The following BNC1 variants were observed in gnomAD, a reference collection of about 807,000 sequenced individuals.
BNC1 encodes the protein basonuclin zinc finger protein 1.
A neutral mutation model predicts 66.5 loss-of-function variants in BNC1; 8 were observed. The observed-to-expected ratio is 0.12, with a 90% CI of 0.07 to 0.22. BNC1 has a LOEUF of 0.22. Among genes scored for constraint, BNC1 ranks in the 10% least tolerant of loss-of-function variants. BNC1 has a pLI of 1.00. For missense variants in BNC1, 1,069 were observed against 1,241.3 expected, an observed-to-expected ratio of 0.86 and a Z score of 2.09; for synonymous variants, 454 against 452.6, an observed-to-expected ratio of 1.00 and a Z score of -0.04.
At position 83,264,342 on chromosome 15, in the gene BNC1, C is replaced by G; in HGVS notation, c.909G>C (p.Gln303His). The change falls in exon 4 of 5, where the codon CAG (glutamine) becomes CAC (histidine). Residue 303 changes from glutamine (Q) to histidine (H), a missense_variant. Gln to His is a conservative substitution (Grantham distance 24, BLOSUM62 0). Transcript: ENST00000345382. Reference protein sequence around the residue: ...SSTPFQVEKDQCLNCPDAITK... With the variant: ...SSTPFQVEKDHCLNCPDAITK... ...TAATAGCATCCGGACAGTTTAAACA[C>G]TGATCTTTTTCAACCTGAAATGGTG... 1 of 1,614,124 alleles carries G rather than the reference C, an allele frequency of 6.2e-7. No homozygotes were observed. The highest frequency in any genetic ancestry group is 8.5e-7 in the Non-Finnish European group (1 of 1,180,018).
Position 83,283,712 on chromosome 15 carries a change from C to CG in BNC1, c.99+817dup, listed in dbSNP as rs1161824232. Among the ~76,000 whole-genome samples the CG allele has an allele frequency of 3.3e-5, 5 of 152,226 alleles. No homozygotes were observed. In the East Asian group the frequency reaches 9.7e-4, roughly 29 times the overall value. On this transcript the variant is annotated intron_variant, in intron 1 of 4. Transcript: ENST00000345382. ...GCCCAGAGCCCAAGCGCCTTAGCCC[C>CG]GTCCCAGCGCTTTCTGAAAGACGGG... is the stretch of plus-strand genomic sequence containing the variant.
intron 1 of BNC1, chr15:83,283,134 C>A: frequency 6.5e-7 from 1 of 1,535,538 alleles, no homozygotes; most frequent in Non-Finnish European, 8.7e-7. Flanking sequence ...TTCCACTTAA[C>A]TGTCAGACTC....
In BNC1 at chr15:83,258,059, G is replaced by C; in HGVS notation, c.2368C>G (p.His790Asp). 1 of 1,613,518 alleles carries C rather than the reference G, an allele frequency of 6.2e-7. No individual in the cohort carries two copies. Among genetic ancestry groups the C allele is most frequent in the Non-Finnish European group, 8.5e-7 (1 of 1,179,442 alleles). The part of the protein sequence containing the change: ...SQEALESSED[H>D]FRAAYLLKDV... ...TTCAGAAGGTAAGCTGCACGGAAATGATCTTCACTACTCTCCAATGCTTCC... is the reference window on the plus strand; with the variant it reads ...TTCAGAAGGTAAGCTGCACGGAAATCATCTTCACTACTCTCCAATGCTTCC... The change falls in exon 5 of 5, where the codon CAT becomes GAT. Residue 790 changes from histidine to aspartate, a missense_variant. By Grantham distance (81) the His-to-Asp change is moderately conservative. Transcript: ENST00000345382.
Position 83,257,646 on chromosome 15 carries a change from G to T in BNC1, c.2781C>A (p.Pro927=), listed in dbSNP as rs575012984. ...TCTTTTGGCAGAGATGACAGGTTAT[G>T]GGCAACCCAGAAGGCAGGCTAGCAA... ...QSLASLPSGL[P]ITCHLCQKTY... is the part of the protein sequence containing the mutation. The change falls in exon 5 of 5, where the codon CCC becomes CCA. Residue 927 remains proline, a synonymous_variant. Coordinates refer to ENST00000345382, the MANE Select transcript of BNC1 (RefSeq NM_001717.4). 9.9e-6 allele frequency: 16 copies of T among 1,614,098 alleles called. No homozygotes were observed. Among genetic ancestry groups the T allele is most frequent in the Non-Finnish European group, 1.4e-5 (16 of 1,180,024 alleles).
intron 1 of BNC1, among the ~76,000 whole-genome samples, chr15:83,284,307 G>C (rs1320205911): frequency 6.6e-6 from 1 of 151,828 alleles, no homozygotes; most frequent in Non-Finnish European, 1.5e-5. Flanking sequence ...CCGGGACGTC[G>C]GGCAGGGACG....
Position 83,263,261 on chromosome 15 carries a change from G to T in BNC1, c.1990C>A (p.Pro664Thr), listed in dbSNP as rs754202916. The change falls in exon 4 of 5, where the codon CCC becomes ACC. Residue 664 changes from proline to threonine, a missense_variant. By Grantham distance (38) the Pro-to-Thr change is conservative. Transcript: ENST00000345382. ...HEHYFTPGME[P>T]QVPFSDYMEL... ...ATGTAGTCAGAAAAAGGAACTTGGG[G>T]TTCCATCCCAGGTGTGAAGTAGTGT... 2.5e-6 allele frequency: 4 copies of T among 1,614,080 alleles called. No homozygotes were observed. Among genetic ancestry groups the T allele is most frequent in the Admixed American group, 3.3e-5 (2 of 60,008 alleles).
Position 83,257,535 on chromosome 15 carries a change from G to A in BNC1, c.2892C>T (p.Asn964=). 3 of 1,614,146 alleles carry A rather than the reference G, an allele frequency of 1.9e-6. No individual in the cohort carries two copies. Among genetic ancestry groups the A allele is most frequent in the Non-Finnish European group, 2.5e-6 (3 of 1,180,026 alleles). ...QLHKCKVPGC[N]TMFSSVRSRN... ...GACTGCGAACAGACGAAAACATGGT[G>A]TTGCAGCCTGGTACTTTGCATTTGT... The change falls in exon 5 of 5, where the codon AAC becomes AAT. Residue 964 remains asparagine, a synonymous_variant. Coordinates refer to ENST00000345382, the MANE Select transcript of BNC1 (RefSeq NM_001717.4).
intron 1 of BNC1, among the ~76,000 whole-genome samples, chr15:83,281,731 A>C (rs528676218): frequency 6.6e-6 from 1 of 152,358 alleles, no homozygotes; most frequent in South Asian, 2.1e-4. Flanking sequence ...AACTTTTAAA[A>C]TGTTTCCCTG....
Position 83,263,257 on chromosome 15 carries a change from T to C in BNC1, c.1994A>G (p.Gln665Arg), listed in dbSNP as rs1298516800. The C allele has an allele frequency of 1.2e-5, 20 of 1,614,086 alleles. No homozygotes were observed. The highest frequency in any genetic ancestry group is 1.7e-5 in the Non-Finnish European group (20 of 1,180,030). ...TTCCATGTAGTCAGAAAAAGGAACT[T>C]GGGGTTCCATCCCAGGTGTGAAGTA... The part of the protein sequence containing the change: ...EHYFTPGMEP[Q>R]VPFSDYMELQ... Residue 665 changes from glutamine to arginine, a missense_variant, in exon 4 of 5, where the codon CAA becomes CGA. Physicochemically the swap from Gln to Arg is conservative, Grantham distance 43. Coordinates refer to ENST00000345382, the MANE Select transcript of BNC1 (RefSeq NM_001717.4).
rs551692814 is a variant in BNC1, at chr15:83,257,336, T to C, written c.*106A>G. 4 of 1,295,686 alleles carry C rather than the reference T, an allele frequency of 3.1e-6. No homozygotes were observed. The highest frequency in any genetic ancestry group is 4.3e-6 in the Non-Finnish European group (4 of 933,682). The allele number at this position is 1,295,686 out of a possible 1,614,324, so 80.3% of individuals were successfully genotyped here. On this transcript the variant is annotated 3_prime_UTR_variant, in exon 5 of 5. Transcript: ENST00000345382. The stretch of plus-strand genomic sequence containing the variant: ...AACTATAAAGTCAAATCAAATACTT[T>C]TGCCTGACTCGCCCCAAATGATATG...
At chr15:83,283,375 G>A in intron 1 of BNC1, 1 of 1,376,224 alleles carries the variant, frequency 7.3e-7, no homozygotes. Flanking sequence ...AGGAGCAGCG[G>A]GAGACCCCGC....
chr15:83,275,491 C>CAAA (rs35785505), intron 1 of BNC1, among the ~76,000 whole-genome samples: 22,826 of 82,500 alleles, frequency 0.28, 2,345 homozygotes, highest in Non-Finnish European at 0.32. Context: ...GACTCCATCT[C>CAAA]AAAAAAAAAA....
In BNC1 at chr15:83,257,228, C is replaced by T. The variant is rs759082211; in HGVS notation, c.*214G>A. On this transcript the variant is annotated 3_prime_UTR_variant, in exon 5 of 5. Coordinates refer to ENST00000345382, the MANE Select transcript of BNC1 (RefSeq NM_001717.4). Reference sequence around the variant, plus strand: ...TTTTCCTTGTATCAGTGAAAGACCTCTTGGGCTAAGAAAAATAATAGGAAG... The same window carrying T: ...TTTTCCTTGTATCAGTGAAAGACCTTTTGGGCTAAGAAAAATAATAGGAAG... 11 of 606,062 alleles carry T rather than the reference C, an allele frequency of 1.8e-5. No individual in the cohort carries two copies. The highest frequency in any genetic ancestry group is 2.8e-5 in the Non-Finnish European group (10 of 352,130). 37.5% of individuals were successfully genotyped at this position (606,062 alleles called of 1,614,324 possible).
chr15:83,257,495 G>A lies in BNC1; in HGVS notation c.2932C>T (p.Gln978Ter), dbSNP rs2065023104. 1 of 1,614,074 alleles carries A rather than the reference G, an allele frequency of 6.2e-7. No homozygotes were observed. Among genetic ancestry groups the A allele is most frequent in the African/African-American group, 1.3e-5 (1 of 74,922 alleles). ...AGGCTTTTGTGCAGGTTGGGATTCT[G>A]GCTGTGTCTGTTTCGACTGCGAACA... ...SSVRSRNRHSQNPNLHKSLAS... is the reference protein window; with the variant it reads ...SSVRSRNRHS Residue 978 changes from glutamine to a stop codon, truncating the protein, a stop_gained, in exon 5 of 5, where the codon CAG becomes TAG. Coordinates refer to ENST00000345382, the MANE Select transcript of BNC1 (RefSeq NM_001717.4). LOFTEE classifies it high-confidence loss of function.
At chr15:83,270,633 C>G (rs2038261100) in intron 1 of BNC1, among the ~76,000 whole-genome samples, 1 of 152,122 alleles carries the variant, frequency 6.6e-6, no homozygotes, top group South Asian at 2.1e-4. Context: ...TATGTCTTCC[C>G]TGGAGACATG....
In BNC1 at chr15:83,264,384, G is replaced by C. The variant is rs1204945606; in HGVS notation, c.867C>G (p.Phe289Leu). 5 of 1,614,070 alleles carry C rather than the reference G, an allele frequency of 3.1e-6. No individual in the cohort carries two copies. Among genetic ancestry groups the C allele is most frequent in the Non-Finnish European group, 4.2e-6 (5 of 1,180,030 alleles). ...EVHGPFPDSS[F>L]LTSSSTPFQV... The stretch of plus-strand genomic sequence containing the variant: ...GAAATGGTGTGGAACTGGAAGTTAA[G>C]AAGCTGCTGTCAGGGAAGGGCCCAT... Residue 289 changes from phenylalanine to leucine, a missense_variant, in exon 4 of 5, where the codon TTC becomes TTG. By Grantham distance (22) the Phe-to-Leu change is conservative (BLOSUM62 0). Coordinates refer to ENST00000345382, the MANE Select transcript of BNC1 (RefSeq NM_001717.4).
At chr15:83,283,773 T>G (rs2038410387) in intron 1 of BNC1, among the ~76,000 whole-genome samples, 1 of 152,130 alleles carries the variant, frequency 6.6e-6, no homozygotes, top group Non-Finnish European at 1.5e-5. Context: ...GACTCCAGGG[T>G]CCGCAGTGAA....
chr15:83,280,909 T>C (rs1041550791), intron 1 of BNC1, among the ~76,000 whole-genome samples: 1 of 152,222 alleles, frequency 6.6e-6, no homozygotes, highest in Non-Finnish European at 1.5e-5. Context: ...CACATTTTAT[T>C]TCTCCATCTC....
intron 1 of BNC1, among the ~76,000 whole-genome samples, chr15:83,275,598 A>G (rs2038312878): frequency 6.6e-6 from 1 of 152,182 alleles, no homozygotes. Flanking sequence ...GTCATCATCA[A>G]GAGCCTTTGA....
Sources: allele counts gnomAD v4.1 joint callset (sites outside exome capture counted in the v4.1 genomes callset), GRCh38; gene constraint gnomAD v4.1.1; transcripts MANE v1.5; gene names NCBI Gene and HGNC (gene_info 2026-07-23, HGNC 2026-07-21).